Variants in EYS observed in about 807,000 individuals in gnomAD.
The protein encoded by EYS is EGF-like photoreceptor maintenance factor.
In EYS, 250 loss-of-function variants were observed where a neutral mutation model predicts 282.1. The ratio of observed to expected loss-of-function variants is 0.89; its 90% CI spans 0.80 to 0.98. The LOEUF is 0.98. Ranked by LOEUF, EYS falls within the 50% of genes least tolerant of loss-of-function variation. The probability of loss-of-function intolerance (pLI) is 0.00; values close to 1 mark genes in which losing one functional copy is unlikely to be tolerated. For missense variants in EYS, 4,016 were observed against 3,709.0 expected, an observed-to-expected ratio of 1.08 and a Z score of -2.15; for synonymous variants, 1,355 against 1,282.9, an observed-to-expected ratio of 1.06 and a Z score of -1.20.
intron 28 of EYS, among the ~76,000 whole-genome samples, chr6:64,396,052 A>G (rs1211502799): frequency 6.6e-6 from 1 of 152,058 alleles, no homozygotes; most frequent in Non-Finnish European, 1.5e-5. Flanking sequence ...CACAACATAC[A>G]CAAGCATGCA....
intron 19 of EYS, among the ~76,000 whole-genome samples, chr6:64,853,888 C>T (rs1356469907): frequency 6.6e-6 from 1 of 151,682 alleles, no homozygotes; most frequent in East Asian, 1.9e-4. Flanking sequence ...ACAAAGAACT[C>T]AAACAAATTT....
At chr6:65,188,729 T>C (rs1366091534) in intron 12 of EYS, among the ~76,000 whole-genome samples, 1 of 135,200 alleles carries the variant, frequency 7.4e-6, no homozygotes, top group Non-Finnish European at 1.5e-5. Flanking sequence ...GAAGTTAGAG[T>C]GATGCAGTGT....
In EYS at chr6:63,847,747, C is replaced by G. The variant is rs1237839522; in HGVS notation, c.7228+16439G>C. On this transcript the variant is annotated intron_variant, in intron 36 of 42. Transcript: ENST00000503581. Reference sequence around the variant, plus strand: ...TGATGATGCCTCTAAAAGTTTCAGTCTATTCAAGTTTAGTTGATCTTATCA... The same window carrying G: ...TGATGATGCCTCTAAAAGTTTCAGTGTATTCAAGTTTAGTTGATCTTATCA... Among the ~76,000 whole-genome samples the G allele has an allele frequency of 2.0e-5, 3 of 152,188 alleles. No homozygotes were observed. The East Asian group carries it at 5.8e-4, about 29-fold the overall frequency.
At chr6:65,653,393 G>C (rs546420371) in intron 1 of EYS, among the ~76,000 whole-genome samples, 1 of 151,876 alleles carries the variant, frequency 6.6e-6, no homozygotes, top group African/African-American at 2.4e-5. Flanking sequence ...AAGTAACAAT[G>C]AAGATAAAAT....
At chr6:64,285,027 C>A (rs1221485260) in intron 30 of EYS, among the ~76,000 whole-genome samples, 2 of 152,154 alleles carry the variant, frequency 1.3e-5, no homozygotes, top group African/African-American at 2.4e-5. Context: ...ACATTCAGCT[C>A]CTTGTCACTT....
chr6:63,977,301 A>T (rs923924171), intron 35 of EYS, among the ~76,000 whole-genome samples: 5 of 152,024 alleles, frequency 3.3e-5, no homozygotes, highest in Admixed American at 6.6e-5. Flanking sequence ...TGTCAAGAAC[A>T]TTCCAAATCT....
chr6:64,693,650 G>C (rs1204426579), intron 22 of EYS, among the ~76,000 whole-genome samples: 1 of 152,018 alleles, frequency 6.6e-6, no homozygotes, highest in African/African-American at 2.4e-5. Context: ...AAAATTAATA[G>C]ACCCAAATGT....
At chr6:64,287,810 C>G (rs963786873) in intron 30 of EYS, among the ~76,000 whole-genome samples, 1 of 152,122 alleles carries the variant, frequency 6.6e-6, no homozygotes, top group Non-Finnish European at 1.5e-5. Context: ...CGGCTTTGCT[C>G]GTAGAGAACT....
At chr6:64,366,387 A>T (rs1174053212) in intron 29 of EYS, among the ~76,000 whole-genome samples, 1 of 152,068 alleles carries the variant, frequency 6.6e-6, no homozygotes, top group Non-Finnish European at 1.5e-5. Flanking sequence ...GACTGGCAAT[A>T]GGTGAGAAAG....
intron 34 of EYS, among the ~76,000 whole-genome samples, chr6:63,986,203 A>G (rs1204256275): frequency 6.6e-6 from 1 of 151,944 alleles, no homozygotes; most frequent in Non-Finnish European, 1.5e-5. Flanking sequence ...AGAGAAATGC[A>G]AATCAAAACC....
chr6:65,002,432 A>T (rs1771495410), intron 13 of EYS, among the ~76,000 whole-genome samples: 1 of 147,682 alleles, frequency 6.8e-6, no homozygotes, highest in African/African-American at 2.4e-5. Context: ...TAGAAAATTA[A>T]CGTGATATTA....
intron 2 of EYS, among the ~76,000 whole-genome samples, chr6:65,536,811 T>A (rs970642627): frequency 1.3e-5 from 2 of 152,146 alleles, no homozygotes; most frequent in African/African-American, 4.8e-5. Flanking sequence ...AAAGACTCAA[T>A]ATTGTCAGGT....
intron 33 of EYS, among the ~76,000 whole-genome samples, chr6:64,057,168 T>G (rs1197586539): frequency 6.6e-6 from 1 of 152,208 alleles, no homozygotes; most frequent in East Asian, 1.9e-4. Flanking sequence ...TGGAACAGGC[T>G]TTCAATTTTA....
At chr6:64,893,491 T>G (rs1045337324) in intron 18 of EYS, among the ~76,000 whole-genome samples, 1 of 152,080 alleles carries the variant, frequency 6.6e-6, no homozygotes, top group Non-Finnish European at 1.5e-5. Context: ...GTAGATTACT[T>G]GAAATATTTT....
At chr6:64,806,881 C>T (rs1321195014) in intron 22 of EYS, among the ~76,000 whole-genome samples, 1 of 151,920 alleles carries the variant, frequency 6.6e-6, no homozygotes, top group Non-Finnish European at 1.5e-5. Context: ...TGTCTCAGTG[C>T]TTTGTTTTAT....
chr6:64,978,207 G>A (rs1212386953), intron 14 of EYS, among the ~76,000 whole-genome samples: 2 of 151,866 alleles, frequency 1.3e-5, no homozygotes, highest in Non-Finnish European at 2.9e-5. Flanking sequence ...CTGGTTAGGG[G>A]ATGATGCAAT....
At chr6:65,590,295 T>C (rs1048197839) in intron 2 of EYS, among the ~76,000 whole-genome samples, 6 of 152,058 alleles carry the variant, frequency 3.9e-5, no homozygotes, top group Non-Finnish European at 7.4e-5. Flanking sequence ...CAGAATATCC[T>C]GCTGCCTACA....
intron 36 of EYS, among the ~76,000 whole-genome samples, chr6:63,853,377 T>A (rs987674966): frequency 9.9e-5 from 15 of 152,212 alleles, no homozygotes; most frequent in African/African-American, 3.6e-4. Context: ...TGAATTGCCA[T>A]TCACAATTGC....
intron 14 of EYS, among the ~76,000 whole-genome samples, chr6:64,971,888 G>A (rs942248360): frequency 6.6e-6 from 1 of 152,058 alleles, no homozygotes; most frequent in African/African-American, 2.4e-5. Context: ...AAGCCATCAA[G>A]CATAATTAAG....
Sources: allele counts gnomAD v4.1 joint callset (sites outside exome capture counted in the v4.1 genomes callset), GRCh38; gene constraint gnomAD v4.1.1; transcripts MANE v1.5; gene names NCBI Gene and HGNC (gene_info 2026-07-23, HGNC 2026-07-21).